FOXP1: variants seen among roughly 807,000 people sequenced by gnomAD.
FOXP1 encodes the protein forkhead box protein P1.
FOXP1 carries 15 observed loss-of-function variants against 98.2 expected under a neutral mutation model. The observed-to-expected ratio is 0.15, with a 90% CI of 0.10 to 0.24. The LOEUF (loss-of-function observed/expected upper bound fraction) is 0.24, where lower values mean the gene tolerates loss of function less well. FOXP1 is among the 10% of genes least tolerant of loss of function. The pLI is 1.00. For missense variants in FOXP1, 633 were observed against 848.5 expected (o/e 0.75, Z 3.15); for synonymous variants, 371 against 314.5 (o/e 1.18, Z -1.90).
chr3:71,327,573 G>C (rs915964309), intron 4 of FOXP1, among the ~76,000 whole-genome samples: 4 of 151,262 alleles, frequency 2.6e-5, no homozygotes, highest in Admixed American at 2.6e-4. Context: ...ATTTTTAGTA[G>C]AGATGGGGTT....
At chr3:71,395,100 C>CA (rs10543398) in intron 3 of FOXP1, among the ~76,000 whole-genome samples, 5,230 of 62,650 alleles carry the variant, frequency 0.083, 61 homozygotes, top group Non-Finnish European at 0.11. Flanking sequence ...AACCCCGTCA[C>CA]AAAAAAAAAA....
intron 7 of FOXP1, among the ~76,000 whole-genome samples, chr3:71,078,254 T>C (rs1246920347): frequency 6.6e-6 from 1 of 152,252 alleles, no homozygotes; most frequent in South Asian, 2.1e-4. Context: ...CCTTGCTAAA[T>C]AATAGCATCT....
chr3:71,079,727 C>T (rs1373171391), intron 7 of FOXP1, among the ~76,000 whole-genome samples: 1 of 152,190 alleles, frequency 6.6e-6, no homozygotes, highest in Non-Finnish European at 1.5e-5. Flanking sequence ...AAGAGAGGTC[C>T]GGCCCTGCCT....
intron 3 of FOXP1, among the ~76,000 whole-genome samples, chr3:71,422,117 T>G (rs2083702140): frequency 6.6e-6 from 1 of 152,156 alleles, no homozygotes. Context: ...ACAGGAAACA[T>G]TAACTCACCC....
At chr3:71,197,896 A>C in intron 6 of FOXP1, 1 of 1,614,236 alleles carries the variant, frequency 6.2e-7, no homozygotes, top group Non-Finnish European at 8.5e-7. Flanking sequence ...TCCAAAGAAT[A>C]ATTTTATTCA....
intron 1 of FOXP1, among the ~76,000 whole-genome samples, chr3:71,582,987 GA>G (rs1256545137): frequency 6.6e-6 from 1 of 152,056 alleles, no homozygotes; most frequent in Non-Finnish European, 1.5e-5. Context: ...GAAAGAAGGG[GA>G]AAAGTTTGCT....
chr3:71,081,204 A>G (rs1202285687), intron 7 of FOXP1, among the ~76,000 whole-genome samples: 1 of 152,346 alleles, frequency 6.6e-6, no homozygotes, highest in African/African-American at 2.4e-5. Flanking sequence ...TGGCAATCTG[A>G]AAAGTGTTCT....
chr3:71,016,284 G>C (rs1007822784), intron 11 of FOXP1, among the ~76,000 whole-genome samples: 1 of 152,076 alleles, frequency 6.6e-6, no homozygotes, highest in Non-Finnish European at 1.5e-5. Flanking sequence ...AATTTGGCAT[G>C]AACACGAAGG....
At chr3:71,359,950 G>A (rs2078438934) in intron 3 of FOXP1, among the ~76,000 whole-genome samples, 1 of 152,042 alleles carries the variant, frequency 6.6e-6, no homozygotes, top group East Asian at 1.9e-4. Flanking sequence ...CCGCCACCGT[G>A]TCTGGCTAAT....
At chr3:71,494,097 C>G (rs2091249279) in intron 2 of FOXP1, among the ~76,000 whole-genome samples, 1 of 152,084 alleles carries the variant, frequency 6.6e-6, no homozygotes. Context: ...AGGAGCAATA[C>G]TCATGGAGAT....
intron 3 of FOXP1, among the ~76,000 whole-genome samples, chr3:71,456,872 G>C (rs548169477): frequency 6.6e-6 from 1 of 151,462 alleles, no homozygotes; most frequent in Admixed American, 6.6e-5. Context: ...TTTAAAGAAA[G>C]AGTGTTAGCA....
At chr3:71,402,485 G>C (rs909441599) in intron 3 of FOXP1, among the ~76,000 whole-genome samples, 2 of 152,184 alleles carry the variant, frequency 1.3e-5, no homozygotes, top group Non-Finnish European at 2.9e-5. Flanking sequence ...TCTGTTATCT[G>C]TGGAATGAAT....
At chr3:71,394,038 A>G (rs2081217870) in intron 3 of FOXP1, among the ~76,000 whole-genome samples, 1 of 152,204 alleles carries the variant, frequency 6.6e-6, no homozygotes, top group South Asian at 2.1e-4. Context: ...GGAGCAGAGC[A>G]AGAGTTTCTG....
At chr3:70,973,252 CCGCCCCGGTCAAGAGAT>C (rs1350718932) in intron 17 of FOXP1, among the ~76,000 whole-genome samples, 1 of 150,536 alleles carries the variant, frequency 6.6e-6, no homozygotes, top group African/African-American at 2.5e-5. Flanking sequence ...CCGCCCCGCC[CCGCCCCGGTCAAGAGAT>C]CAGTAGCTAT....
At position 70,955,495 on chromosome 3, in the gene FOXP1, C is replaced by CT. The variant is rs2031548432; in HGVS notation, c.*3751dup. 1 of 232,430 alleles carries CT rather than the reference C, an allele frequency of 4.3e-6. No individual in the cohort carries two copies. The highest frequency in any genetic ancestry group is 8.5e-6 in the Non-Finnish European group (1 of 117,818). 14.4% of individuals were successfully genotyped at this position (232,430 alleles called of 1,614,324 possible). A position where few individuals can be genotyped will look rare whatever the true frequency, so the allele number is the denominator to read the frequency against. On this transcript the variant is annotated 3_prime_UTR_variant, in exon 21 of 21. Transcript: ENST00000649528. ...CAGTGCATTTGTCTGACACACGGGA[C>CT]TACCTCCCTAATGTATGCTTTTCTT...
intron 4 of FOXP1, among the ~76,000 whole-genome samples, chr3:71,357,794 T>C (rs192877530): frequency 2.6e-5 from 4 of 152,264 alleles, no homozygotes; most frequent in Admixed American, 2.6e-4. Context: ...ATAAGCAGAG[T>C]AGAAAGATAG....
chr3:71,114,323 G>T (rs1220419322), intron 6 of FOXP1, among the ~76,000 whole-genome samples: 1 of 152,206 alleles, frequency 6.6e-6, no homozygotes, highest in Non-Finnish European at 1.5e-5. Flanking sequence ...CTGGAACTCA[G>T]AAGAAAGAGA....
Position 71,542,906 on chromosome 3 carries a change from G to T in FOXP1, c.-298+38643C>A. On this transcript the variant is annotated intron_variant, in intron 2 of 20. Coordinates refer to ENST00000649528, the MANE Select transcript of FOXP1 (RefSeq NM_001349338.3). The stretch of plus-strand genomic sequence containing the variant: ...GAGGCAAGAGTGGAGGGGAGCAGGC[G>T]GTGTAGCATCCTCAAACTGCAGCTT... Among the ~76,000 whole-genome samples the T allele has an allele frequency of 2.0e-5, 3 of 152,338 alleles. No homozygotes were observed. In the South Asian group the frequency reaches 6.2e-4, roughly 32 times the overall value.
At chr3:71,244,123 T>C (rs1163407881) in intron 5 of FOXP1, among the ~76,000 whole-genome samples, 1 of 152,196 alleles carries the variant, frequency 6.6e-6, no homozygotes, top group Non-Finnish European at 1.5e-5. Context: ...CTGCCATAAA[T>C]TCAAGCATCC....
Sources: gnomAD v4.1 joint callset for allele counts (sites outside exome capture counted in the v4.1 genomes callset) on GRCh38, gnomAD v4.1.1 for gene constraint, MANE v1.5 for transcripts, NCBI Gene and HGNC (gene_info 2026-07-23, HGNC 2026-07-21) for gene names.